Variants in ABCA6 observed in about 807,000 individuals in gnomAD.
ABCA6 encodes ATP-binding cassette sub-family A member 6.
ABCA6 carries 164 observed loss-of-function variants against 191.2 expected under a neutral mutation model. That is an observed-to-expected ratio of 0.86 (90% CI 0.76 to 0.98). The LOEUF (loss-of-function observed/expected upper bound fraction) is 0.98, where lower values mean the gene tolerates loss of function less well. Ranked by LOEUF, ABCA6 falls within the 50% of genes least tolerant of loss-of-function variation. ABCA6 has a pLI of 0.00. For synonymous variants in ABCA6, 636 were observed against 647.7 expected (o/e 0.98, Z 0.27); for missense variants, 1,958 against 1,894.1 (o/e 1.03, Z -0.63).
At position 69,105,569 on chromosome 17, in the gene ABCA6, A is replaced by T. The variant is rs768382795; in HGVS notation, c.2633T>A (p.Met878Lys). 4.4e-6 allele frequency: 7 copies of T among 1,574,796 alleles called. No homozygotes were observed. The East Asian group carries it at 1.6e-4, about 35-fold the overall frequency. Reference protein sequence around the residue: ...PLIVENIMYAMLNEKIDWEFK... With the variant: ...PLIVENIMYAKLNEKIDWEFK... Reference sequence around the variant, plus strand: ...TTCCCAATCGATCTTTTCATTTAACATAGCATACATTATATTTTCAACAAT... The same window carrying T: ...TTCCCAATCGATCTTTTCATTTAACTTAGCATACATTATATTTTCAACAAT... Residue 878 changes from methionine to lysine, a missense_variant, in exon 20 of 39, where the codon ATG becomes AAG. Coordinates refer to ENST00000284425, the MANE Select transcript of ABCA6 (RefSeq NM_080284.3).
rs770752360 is a variant in ABCA6 at position 69,128,787 on chromosome 17, C to T, written c.951G>A (p.Leu317=). Reference sequence around the variant, plus strand: ...CAGCTTTCTTTAACAGCACACTCATCAGGAACACCAAAGCTACCTGCAAGA... The same window carrying T: ...CAGCTTTCTTTAACAGCACACTCATTAGGAACACCAAAGCTACCTGCAAGA... ...YGLSLVALVF[L]MSVLLKKAVL... Residue 317 remains leucine (L), a synonymous_variant, in exon 8 of 39, where the codon CTG becomes CTA. Transcript: ENST00000284425. The T allele has an allele frequency of 4.4e-6, 7 of 1,596,252 alleles. No homozygotes were observed. Among genetic ancestry groups the T allele is most frequent in the Non-Finnish European group, 5.1e-6 (6 of 1,171,228 alleles).
At chr17:69,130,593 A>AT (rs1283539795) in intron 6 of ABCA6, among the ~76,000 whole-genome samples, 3 of 152,192 alleles carry the variant, frequency 2.0e-5, no homozygotes, top group Admixed American at 1.3e-4. Flanking sequence ...GTTGTTTTCC[A>AT]TTTTTTTCTA....
intron 22 of ABCA6, chr17:69,098,638 A>AAAG (rs1353572983): frequency 6.6e-6 from 1 of 151,206 alleles, no homozygotes; most frequent in East Asian, 1.9e-4. Flanking sequence ...AAAAAAAAAA[A>AAAG]AAAAAAAAAG....
In ABCA6 at chr17:69,106,113, T is replaced by C; in HGVS notation, c.2488A>G (p.Met830Val). 2.5e-6 allele frequency: 4 copies of C among 1,613,926 alleles called. No individual in the cohort carries two copies. Among genetic ancestry groups the C allele is most frequent in the Non-Finnish European group, 3.4e-6 (4 of 1,179,890 alleles). ...FSEMQTAVSD[M>V]GLWRMQVFAM... The stretch of plus-strand genomic sequence containing the variant: ...AAGACTTGCATTCTCCAGAGGCCCA[T>C]GTCACTCACAGCTGTCTGCATTTCA... The change falls in exon 19 of 39, where the codon ATG becomes GTG. Residue 830 changes from methionine (M) to valine (V), a missense_variant. Coordinates refer to ENST00000284425, the MANE Select transcript of ABCA6 (RefSeq NM_080284.3).
Position 69,096,736 on chromosome 17 carries a change from T to A in ABCA6, c.3186A>T (p.Ala1062=). 1 of 1,591,612 alleles carries A rather than the reference T, an allele frequency of 6.3e-7. No individual in the cohort carries two copies. The highest frequency in any genetic ancestry group is 8.5e-7 in the Non-Finnish European group (1 of 1,171,468). ...AAATGAAGAAGCTGACGTCCACTAG[T>A]GCCTGCCCACACCAGTAAGCAGAAG... The part of the protein sequence containing the change: ...LYTSAYWCGQ[A]LVDVSFFILI... The change falls in exon 24 of 39, where the codon GCA becomes GCT. Residue 1062 remains alanine (A), a synonymous_variant. Transcript: ENST00000284425.
At chr17:69,132,270 A>G (rs1438749707) in intron 6 of ABCA6, among the ~76,000 whole-genome samples, 1 of 152,170 alleles carries the variant, frequency 6.6e-6, no homozygotes, top group Non-Finnish European at 1.5e-5. Flanking sequence ...AACATCTCCC[A>G]GGATTTAATA....
intron 18 of ABCA6, 78 bp downstream of exon 18, chr17:69,107,618 C>T: frequency 2.0e-6 from 2 of 989,146 alleles, no homozygotes; most frequent in Non-Finnish European, 1.5e-6. Context: ...GTGAATCACC[C>T]ATAAGAAATT....
Position 69,128,681 on chromosome 17 carries a change from A to C in ABCA6, c.1057T>G (p.Ser353Ala), listed in dbSNP as rs1181228466. The C allele has an allele frequency of 2.5e-6, 4 of 1,613,574 alleles. No homozygotes were observed. Among genetic ancestry groups the C allele is most frequent in the Admixed American group, 3.3e-5 (2 of 59,994 alleles). ...GFTVFYEQLP[S>A]SLEWILNICS... ...ATATTCAAAATCCACTCCAGAGATG[A>C]AGGAAGTTGTTCATAAAATACAGTG... Residue 353 changes from serine to alanine, a missense_variant, in exon 8 of 39, where the codon TCA becomes GCA. Transcript: ENST00000284425.
rs1567993418 is a variant in ABCA6, at chr17:69,082,866, GTC to G, written c.4616+5_4616+6del. Reference sequence around the variant, plus strand: ...CATATTTCTCCATAATCAAAAGCCCGTCTCACCTTTCCTGCCCTGCAGCCTGT... The same window carrying G: ...CATATTTCTCCATAATCAAAAGCCCGTCACCTTTCCTGCCCTGCAGCCTGT... On this transcript the variant is annotated splice_donor_5th_base_variant and intron_variant, in intron 36 of 38. Transcript: ENST00000284425. 8 of 1,613,912 alleles carry G rather than the reference GTC, an allele frequency of 5.0e-6. No individual in the cohort carries two copies. The South Asian group carries it at 5.5e-5, about 11-fold the overall frequency.
chr17:69,105,351 G>A (rs1174141926), intron 20 of ABCA6, 111 bp downstream of exon 20: 1 of 1,072,084 alleles, frequency 9.3e-7, no homozygotes, highest in African/African-American at 1.6e-5. Context: ...TATAAATGAA[G>A]TTTAAATACC....
chr17:69,113,184 T>C (rs766562606), intron 15 of ABCA6, 38 bp downstream of exon 15: 5 of 1,577,434 alleles, frequency 3.2e-6, no homozygotes, highest in South Asian at 2.3e-5. Flanking sequence ...AATTCCCCAA[T>C]TGCATCATGG....
At chr17:69,102,524 A>G (rs2073204682) in intron 21 of ABCA6, among the ~76,000 whole-genome samples, 1 of 152,192 alleles carries the variant, frequency 6.6e-6, no homozygotes. Context: ...TCAGGTAGTT[A>G]GCTACTGAAT....
chr17:69,114,819 T>G lies in ABCA6; in HGVS notation c.1725A>C (p.Glu575Asp). 1.2e-6 allele frequency: 2 copies of G among 1,612,758 alleles called. No individual in the cohort carries two copies. Among genetic ancestry groups the G allele is most frequent in the Non-Finnish European group, 1.7e-6 (2 of 1,179,268 alleles). The change falls in exon 13 of 39, where the codon GAA becomes GAC. Residue 575 changes from glutamate (E) to aspartate (D), a missense_variant. By Grantham distance (45) the Glu-to-Asp change is conservative. Coordinates refer to ENST00000284425, the MANE Select transcript of ABCA6 (RefSeq NM_080284.3). ...NVQFDILTVK[E>D]NLSLFAKIKG... is the part of the protein sequence containing the mutation. ...TTATTTTAGCAAACAGGCTGAGGTT[T>G]TCCTTCACGGTGAGTATGTCAAATT...
chr17:69,112,356 C>T lies in ABCA6; in HGVS notation c.2042-83G>A, dbSNP rs577675989. On this transcript the variant is annotated intron_variant, in intron 15 of 38. Transcript: ENST00000284425. ...TAAAGAAAGACGAGGAGCCAAGGCT[C>T]AGAAGTGCAAAGGAGAAGTATTCAA... The T allele has an allele frequency of 6.6e-6, 7 of 1,057,848 alleles. No homozygotes were observed. The South Asian group carries it at 9.2e-5, about 14-fold the overall frequency. 65.5% of individuals were successfully genotyped at this position (1,057,848 alleles called of 1,614,324 possible). A position where few individuals can be genotyped will look rare whatever the true frequency, so the allele number is the denominator to read the frequency against.
chr17:69,086,569 T>C (rs2072798129), intron 30 of ABCA6, 49 bp downstream of exon 30: 1 of 1,259,772 alleles, frequency 7.9e-7, no homozygotes, highest in African/African-American at 1.5e-5. Flanking sequence ...AGATGTTCGG[T>C]AGGTAGTTCT....
chr17:69,134,906 G>A (rs2073925798), intron 4 of ABCA6, among the ~76,000 whole-genome samples, 164 bp from the exon 5 acceptor site: 1 of 5,116 alleles, frequency 2.0e-4, no homozygotes, highest in Non-Finnish European at 3.9e-4. Flanking sequence ...TTTTGGAGAT[G>A]AAGTCTCACT....
chr17:69,129,391 T>C (rs138273619), intron 7 of ABCA6, among the ~76,000 whole-genome samples: 10 of 152,326 alleles, frequency 6.6e-5, no homozygotes, highest in Non-Finnish European at 1.0e-4. Flanking sequence ...CATCATTTCA[T>C]TAGTTCAGAC....
Position 69,129,751 on chromosome 17 carries a change from C to A in ABCA6, c.792G>T (p.Trp264Cys). 1.3e-6 allele frequency: 2 copies of A among 1,566,372 alleles called. No individual in the cohort carries two copies. Among genetic ancestry groups the A allele is most frequent in the South Asian group, 1.2e-5 (1 of 83,116 alleles). The stretch of plus-strand genomic sequence containing the variant: ...CAGCATAGATTAGACCCCAGGAGAG[C>A]CTAAATAAAGACAAAAAGTTATATA... Reference protein sequence around the residue: ...KMMGLQDSAFWLSWGLIYAGF... With the variant: ...KMMGLQDSAFCLSWGLIYAGF... Residue 264 changes from tryptophan (W) to cysteine (C), a missense_variant and splice_region_variant, in exon 7 of 39, where the codon TGG becomes TGT. Transcript: ENST00000284425.
In ABCA6 at chr17:69,087,417, T is replaced by A. The variant is rs1022106080; in HGVS notation, c.3755A>T (p.Asp1252Val). ...KPNPEEPIDE[D>V]EDIQTERIRT... ...TATTCTTTCTGTTTGAATATCTTCA[T>A]CTTCATCTATGGGTTCTTCTGGATT... Residue 1252 changes from aspartate (D) to valine (V), a missense_variant, in exon 29 of 39, where the codon GAT (aspartate) becomes GTT (valine). Transcript: ENST00000284425. 6 of 1,613,880 alleles carry A rather than the reference T, an allele frequency of 3.7e-6. No homozygotes were observed. Among genetic ancestry groups the A allele is most frequent in the Non-Finnish European group, 5.1e-6 (6 of 1,179,898 alleles).
Sources: gnomAD v4.1 joint callset for allele counts (sites outside exome capture counted in the v4.1 genomes callset) on GRCh38, gnomAD v4.1.1 for gene constraint, MANE v1.5 for transcripts, NCBI Gene and HGNC (gene_info 2026-07-23, HGNC 2026-07-21) for gene names.